ANKRD11: variants seen among roughly 807,000 people sequenced by gnomAD.
ANKRD11 encodes the protein ankyrin repeat domain-containing protein 11.
A neutral mutation model predicts 195.7 loss-of-function variants in ANKRD11; 17 were observed. The observed-to-expected ratio is 0.09, with a 90% confidence interval of 0.06 to 0.13. ANKRD11 has a LOEUF of 0.13. Among genes scored for constraint, ANKRD11 ranks in the 10% least tolerant of loss-of-function variants. The pLI, the probability that ANKRD11 is intolerant of heterozygous loss-of-function variation, is 1.00. For synonymous variants in ANKRD11, 1,953 were observed against 1,528.1 expected, an observed-to-expected ratio of 1.28 and a Z score of -6.49; for missense variants, 3,735 against 3,566.1, an observed-to-expected ratio of 1.05 and a Z score of -1.21.
chr16:89,288,954 C>T, intron 6 of ANKRD11: 1 of 541,424 alleles, frequency 1.8e-6, no homozygotes, highest in South Asian at 2.0e-5. Flanking sequence ...GGTAGGAAAT[C>T]AGTGAACACA....
rs1346811848 is a variant in ANKRD11 at position 89,281,360 on chromosome 16, T to C, written c.5182A>G (p.Ser1728Gly). ...ACGAGGTCCGCGTAGTCATCGGCGC[T>C]GCAGGACGGGGTCCTGGGCGTGTGC... ...VMHTPRTPSC[S>G]ADDYADLVFD... Residue 1728 changes from serine to glycine, a missense_variant, in exon 9 of 13, where the codon AGC becomes GGC. Coordinates refer to ENST00000301030, the MANE Select transcript of ANKRD11 (RefSeq NM_013275.6). The surrounding 1 kb of genome is among the most constrained non-coding windows in gnomAD (Gnocchi z 5.5). 2 of 1,610,642 alleles carry C rather than the reference T, an allele frequency of 1.2e-6. No individual in the cohort carries two copies. The highest frequency in any genetic ancestry group is 3.3e-5 in the Admixed American group (2 of 59,920).
intron 1 of ANKRD11, among the ~76,000 whole-genome samples, chr16:89,445,846 G>A (rs1297334598): frequency 2.0e-5 from 3 of 152,018 alleles, no homozygotes; most frequent in Non-Finnish European, 4.4e-5. Context: ...GTGCATGCCT[G>A]TAATCCCAGC....
Position 89,291,031 on chromosome 16 carries a change from C to T in ANKRD11, c.379G>A (p.Glu127Lys), listed in dbSNP as rs2035027988. Residue 127 changes from glutamate to lysine, a missense_variant, in exon 5 of 13, where the codon GAG becomes AAG. By Grantham distance (56) the Glu-to-Lys change is moderately conservative. Transcript: ENST00000301030. The surrounding 1 kb of genome is among the most constrained non-coding windows in gnomAD (Gnocchi z 5.3). ...GGCTCACCTGGGCTGTTGGCAGACT[C>T]CTCGGCCGTCATCTGCATGAGAAGG... ...VALLMQMTAE[E>K]SANSPVDTTP... 1 of 1,612,314 alleles carries T rather than the reference C, an allele frequency of 6.2e-7. No individual in the cohort carries two copies. Among genetic ancestry groups the T allele is most frequent in the South Asian group, 1.1e-5 (1 of 91,078 alleles).
In ANKRD11 at chr16:89,284,705, A is replaced by C; in HGVS notation, c.1837T>G (p.Ser613Ala). 1 of 1,613,912 alleles carries C rather than the reference A, an allele frequency of 6.2e-7. No individual in the cohort carries two copies. Among genetic ancestry groups the C allele is most frequent in the Admixed American group, 1.7e-5 (1 of 60,028 alleles). The change falls in exon 9 of 13, where the codon TCC becomes GCC. Residue 613 changes from serine to alanine, a missense_variant. Ser to Ala is a moderately conservative substitution (Grantham distance 99). Transcript: ENST00000301030. ...SLSEKKSPFL[S>A]SAEGAVPKLD... ...TTGGGGACAGCGCCCTCCGCGCTGG[A>C]CAGGAAGGGGCTCTTCTTCTCCGAC...
At position 89,360,706 on chromosome 16, in the gene ANKRD11, T is replaced by TC. The variant is rs1050859362; in HGVS notation, c.-59-43629dup. 7.6e-4 allele frequency: 116 copies of TC among 152,312 alleles called. 1 individual carries two copies. Among genetic ancestry groups the TC allele is most frequent in the African/African-American group, 2.7e-3 (114 of 41,554 alleles). The allele number at this position is 152,312 out of a possible 1,614,324, so 9.4% of individuals were successfully genotyped here. On this transcript the variant is annotated intron_variant, in intron 2 of 12. Coordinates refer to ENST00000301030, the MANE Select transcript of ANKRD11 (RefSeq NM_013275.6). ...GCAGCTTCATCTGTCATACGTGGAC[T>TC]CCCTTTCAAAACTCCAGGTGTGTGT... is the stretch of plus-strand genomic sequence containing the variant.
intron 2 of ANKRD11, among the ~76,000 whole-genome samples, chr16:89,351,659 G>C (rs1330633384): frequency 6.6e-6 from 1 of 152,186 alleles, no homozygotes; most frequent in Non-Finnish European, 1.5e-5. Context: ...CCTGGGCGCA[G>C]GTTCGTGTCA....
At chr16:89,437,738 C>T (rs562020727) in intron 1 of ANKRD11, among the ~76,000 whole-genome samples, 1 of 152,278 alleles carries the variant, frequency 6.6e-6, no homozygotes, top group Non-Finnish European at 1.5e-5. Context: ...TTCTCACTGG[C>T]CTCTGCACCT....
At chr16:89,393,143 A>G (rs1442942558) in intron 2 of ANKRD11, among the ~76,000 whole-genome samples, 1 of 151,964 alleles carries the variant, frequency 6.6e-6, no homozygotes, top group Admixed American at 6.6e-5. Flanking sequence ...AGCCTCTGGA[A>G]GTCTCCCTCA....
Position 89,490,555 on chromosome 16 carries a change from G to A in ANKRD11, c.-455C>T, listed in dbSNP as rs2057795743. The A allele has an allele frequency of 4.7e-6, 2 of 423,560 alleles. No homozygotes were observed. Among genetic ancestry groups the A allele is most frequent in the South Asian group, 5.4e-5 (1 of 18,376 alleles). The allele number at this position is 423,560 out of a possible 1,614,324, so 26.2% of individuals were successfully genotyped here. A position where few individuals can be genotyped will look rare whatever the true frequency, so the allele number is the denominator to read the frequency against. On this transcript the variant is annotated 5_prime_UTR_variant, in exon 1 of 13. Transcript: ENST00000301030. The stretch of plus-strand genomic sequence containing the variant: ...GGTCCATCGCGCACCGTCTCAGGGC[G>A]GCCTCTGGCTCCAGGACCCAGCGGC...
In ANKRD11 at chr16:89,291,696, T is replaced by C; in HGVS notation, c.227-513A>G. The C allele has an allele frequency of 7.8e-7, 1 of 1,289,966 alleles. No individual in the cohort carries two copies. The highest frequency in any genetic ancestry group is 1.0e-6 in the Non-Finnish European group (1 of 988,976). The allele number at this position is 1,289,966 out of a possible 1,614,324, so 79.9% of individuals were successfully genotyped here. ...AGTACTGTACCTTTCTTCTTGCTTC[T>C]AGGAACCTCCATCTCATGCCATGGT... On this transcript the variant is annotated intron_variant, in intron 4 of 12. Transcript: ENST00000301030. This position sits in a 1 kb window ranked among gnomAD's most constrained non-coding sequence, Gnocchi z 5.3.
Position 89,284,879 on chromosome 16 carries a change from A to T in ANKRD11, c.1663T>A (p.Ser555Thr). The T allele has an allele frequency of 6.2e-7, 1 of 1,613,608 alleles. No individual in the cohort carries two copies. Among genetic ancestry groups the T allele is most frequent in the East Asian group, 2.2e-5 (1 of 44,866 alleles). Residue 555 changes from serine to threonine, a missense_variant, in exon 9 of 13, where the codon TCT becomes ACT. Transcript: ENST00000301030. ...HWRTDNWKTI[S>T]SPAWSEVSSL... ...CTGACCTCTGACCAAGCCGGGGAAG[A>T]AATGGTTTTCCAATTGTCTGTCCGC...
At chr16:89,305,166 C>G in intron 4 of ANKRD11, 40 bp downstream of exon 4, 1 of 1,604,300 alleles carries the variant, frequency 6.2e-7, no homozygotes, top group Non-Finnish European at 8.5e-7. Flanking sequence ...TCCGGGCTGC[C>G]TGTGGAGGGC....
rs2034139089 is a variant in ANKRD11 at position 89,280,650 on chromosome 16, C to T, written c.5892G>A (p.Gly1964=). ...AGCTCACAGGGTTTTCAGAGGTGCC[C>T]CCGATCAGGCTAGAGGCAAGCGCCT... ...SEQALASSLI[G]GTSENPVSWP... The change falls in exon 9 of 13, where the codon GGG becomes GGA. Residue 1964 remains glycine, a synonymous_variant. Coordinates refer to ENST00000301030, the MANE Select transcript of ANKRD11 (RefSeq NM_013275.6). The T allele has an allele frequency of 1.9e-6, 3 of 1,613,348 alleles. No individual in the cohort carries two copies. The African/African-American group carries it at 4.0e-5, about 22-fold the overall frequency.
rs778585737 is a variant in ANKRD11, at chr16:89,283,680, G to T, written c.2862C>A (p.Ala954=). ...CCCTGCGCTCCTTGCAGCTCTCCAGGGCGTCCTTTCTGTCCCGCCCGGCCT... is the reference window on the plus strand; with the variant it reads ...CCCTGCGCTCCTTGCAGCTCTCCAGTGCGTCCTTTCTGTCCCGCCCGGCCT... ...SAEAGRDRKD[A]LESCKERRDG... is the part of the protein sequence containing the mutation. Residue 954 remains alanine, a synonymous_variant, in exon 9 of 13, where the codon GCC becomes GCA. Transcript: ENST00000301030. This position sits in a 1 kb window ranked among gnomAD's most constrained non-coding sequence, Gnocchi z 4.3. 3 of 1,612,724 alleles carry T rather than the reference G, an allele frequency of 1.9e-6. No individual in the cohort carries two copies.
chr16:89,359,194 G>A (rs1427537032), intron 2 of ANKRD11, among the ~76,000 whole-genome samples: 1 of 152,100 alleles, frequency 6.6e-6, no homozygotes, highest in African/African-American at 2.4e-5. Flanking sequence ...TCACGGAAAT[G>A]CGATCTGTCC....
chr16:89,420,399 C>T (rs1462157079), intron 1 of ANKRD11: 4 of 152,192 alleles, frequency 2.6e-5, no homozygotes, highest in East Asian at 3.8e-4. Context: ...ATCCTGGCAA[C>T]CAAAAATGTC....
chr16:89,485,461 T>A (rs768879978), intron 1 of ANKRD11, among the ~76,000 whole-genome samples: 4 of 152,042 alleles, frequency 2.6e-5, no homozygotes, highest in Non-Finnish European at 5.9e-5. Flanking sequence ...GCCACTGCAC[T>A]CCAGCCTAGG....
In ANKRD11 at chr16:89,282,634, A is replaced by T. The variant is rs1244000669; in HGVS notation, c.3908T>A (p.Val1303Asp). Residue 1303 changes from valine (V) to aspartate (D), a missense_variant, in exon 9 of 13, where the codon GTC becomes GAC. Physicochemically the swap from Val to Asp is radical, Grantham distance 152. Transcript: ENST00000301030. ...TCGGTCCGTGAAGCTGTCAGAGGAG[A>T]CCTCGCTGATTTTATCGTTGGAGTC... ...REDSNDKISE[V>D]SSDSFTDRGQ... 6.2e-7 allele frequency: 1 copy of T among 1,613,364 alleles called. No homozygotes were observed. Among genetic ancestry groups the T allele is most frequent in the Non-Finnish European group, 8.5e-7 (1 of 1,179,814 alleles).
intron 1 of ANKRD11, among the ~76,000 whole-genome samples, chr16:89,470,285 T>G (rs980732302): frequency 2.6e-5 from 4 of 152,104 alleles, no homozygotes; most frequent in African/African-American, 4.8e-5. Flanking sequence ...TGGTCATAGC[T>G]TATCACTAAG....
Sources: gnomAD v4.1 joint callset for allele counts (sites outside exome capture counted in the v4.1 genomes callset) on GRCh38, gnomAD v4.1.1 for gene constraint, Gnocchi (gnomAD v3.1) non-coding constraint, MANE v1.5 for transcripts, NCBI Gene and HGNC (gene_info 2026-07-23, HGNC 2026-07-21) for gene names.